EYS: variants seen among roughly 807,000 people sequenced by gnomAD.
The protein encoded by EYS is protein eyes shut homolog.
EYS carries 250 observed loss-of-function variants against 282.1 expected under a neutral mutation model. The ratio of observed to expected loss-of-function variants is 0.89; its 90% CI spans 0.80 to 0.98. The LOEUF is 0.98. EYS is among the 50% of genes least tolerant of loss of function. The pLI is 0.00. For synonymous variants in EYS, 1,355 were observed against 1,282.9 expected (o/e 1.06, Z -1.20); for missense variants, 4,016 against 3,709.0 (o/e 1.08, Z -2.15).
chr6:65,535,692 T>C (rs879035908), intron 2 of EYS, among the ~76,000 whole-genome samples: 1 of 152,144 alleles, frequency 6.6e-6, no homozygotes, highest in Admixed American at 6.6e-5. Flanking sequence ...GAGGATTCTG[T>C]TCCTTACTCA....
At chr6:64,835,347 T>C (rs1358336819) in intron 19 of EYS, among the ~76,000 whole-genome samples, 1 of 151,570 alleles carries the variant, frequency 6.6e-6, no homozygotes, top group Non-Finnish European at 1.5e-5. Flanking sequence ...GCAATAGAGA[T>C]TGTTGTTGAG....
At chr6:65,128,201 A>G (rs1231775832) in intron 12 of EYS, among the ~76,000 whole-genome samples, 1 of 152,028 alleles carries the variant, frequency 6.6e-6, no homozygotes, top group Non-Finnish European at 1.5e-5. Context: ...AAAAATATTC[A>G]AAGTTATATT....
At chr6:65,306,922 A>G (rs1454044449) in intron 11 of EYS, among the ~76,000 whole-genome samples, 1 of 140,888 alleles carries the variant, frequency 7.1e-6, no homozygotes, top group East Asian at 2.1e-4. Context: ...CCAGGGAGTT[A>G]AGTTACTTAC....
At chr6:65,677,363 C>T (rs752013855) in intron 1 of EYS, among the ~76,000 whole-genome samples, 4 of 151,644 alleles carry the variant, frequency 2.6e-5, no homozygotes, top group Non-Finnish European at 4.4e-5. Context: ...TAAATGAATT[C>T]GGAAAATTTC....
In EYS at chr6:64,807,388, C is replaced by T. The variant is rs1288925121; in HGVS notation, c.3443+5990G>A. Among the ~76,000 whole-genome samples the T allele has an allele frequency of 1.3e-5, 2 of 152,086 alleles. 1 individual carries two copies. Among genetic ancestry groups the T allele is most frequent in the Non-Finnish European group, 2.9e-5 (2 of 67,988 alleles). ...ACCTCCTTAGGCCTTTGCCTTGTCA[C>T]CTATATAATAACTAGGACACTAAAG... On this transcript the variant is annotated intron_variant, in intron 22 of 42. Coordinates refer to ENST00000503581, the MANE Select transcript of EYS (RefSeq NM_001142800.2).
intron 31 of EYS, among the ~76,000 whole-genome samples, chr6:64,101,647 C>T (rs1025235004): frequency 6.6e-6 from 1 of 150,796 alleles, no homozygotes; most frequent in East Asian, 1.9e-4. Flanking sequence ...AGTCTAGTTC[C>T]CATTTTTTTT....
At chr6:64,265,095 A>G (rs1301621137) in intron 30 of EYS, among the ~76,000 whole-genome samples, 1 of 151,324 alleles carries the variant, frequency 6.6e-6, no homozygotes, top group East Asian at 1.9e-4. Context: ...AGTTATGTTT[A>G]CCCCCAAAAT....
At chr6:64,039,678 A>T (rs1562168756) in intron 33 of EYS, among the ~76,000 whole-genome samples, 1 of 152,158 alleles carries the variant, frequency 6.6e-6, no homozygotes, top group Admixed American at 6.5e-5. Context: ...GCAAAAAAAA[A>T]TGTTTCCATG....
rs564827465 is a variant in EYS, at chr6:64,931,802, T to C, written c.2381+13991A>G. ...GGAAACTGGAAGCTTGCAAATGTAA[T>C]GTAAACTTACTTATCCCAATTCACA... On this transcript the variant is annotated intron_variant, in intron 15 of 42. Coordinates refer to ENST00000503581, the MANE Select transcript of EYS (RefSeq NM_001142800.2). Among the ~76,000 whole-genome samples, 42 of 152,146 alleles carry C rather than the reference T, an allele frequency of 2.8e-4. 1 individual carries two copies. The highest frequency in any genetic ancestry group is 5.7e-4 in the Non-Finnish European group (39 of 68,030).
chr6:64,199,759 A>G (rs1226049450), intron 31 of EYS, among the ~76,000 whole-genome samples: 1 of 152,166 alleles, frequency 6.6e-6, no homozygotes, highest in East Asian at 1.9e-4. Flanking sequence ...TGAGCAAAGG[A>G]TATATGAATA....
intron 28 of EYS, among the ~76,000 whole-genome samples, chr6:64,404,924 A>G (rs2150438930): frequency 6.6e-6 from 1 of 152,312 alleles, no homozygotes; most frequent in Middle Eastern, 3.4e-3. Context: ...TTGATGGGGA[A>G]AATGGGATTA....
chr6:64,155,136 T>G (rs1774874508), intron 31 of EYS, among the ~76,000 whole-genome samples: 1 of 152,100 alleles, frequency 6.6e-6, no homozygotes, highest in Admixed American at 6.6e-5. Flanking sequence ...AAGGATAAAC[T>G]TAACCTGCTT....
chr6:65,010,667 G>T (rs188565109), intron 13 of EYS, among the ~76,000 whole-genome samples: 211 of 152,296 alleles, frequency 1.4e-3, no homozygotes, highest in African/African-American at 4.9e-3. Context: ...TCCCTTCACT[G>T]CAGGAACTAG....
At chr6:64,321,924 TCA>T (rs1157240057) in intron 29 of EYS, among the ~76,000 whole-genome samples, 6 of 152,144 alleles carry the variant, frequency 3.9e-5, no homozygotes, top group Non-Finnish European at 8.8e-5. Context: ...GATACTTAAA[TCA>T]ATTTTATTTT....
intron 31 of EYS, among the ~76,000 whole-genome samples, chr6:64,098,820 G>A (rs751021226): frequency 6.6e-6 from 1 of 151,920 alleles, no homozygotes; most frequent in Non-Finnish European, 1.5e-5. Flanking sequence ...GGTCAGGCTG[G>A]TCTCGAACTC....
chr6:64,416,022 G>T (rs1221300507), intron 28 of EYS, among the ~76,000 whole-genome samples: 1 of 152,146 alleles, frequency 6.6e-6, no homozygotes, highest in African/African-American at 2.4e-5. Flanking sequence ...CAGCAAAGCT[G>T]CTCGTGTGCT....
intron 12 of EYS, among the ~76,000 whole-genome samples, chr6:65,184,952 C>A (rs1765480942): frequency 6.6e-6 from 1 of 150,556 alleles, no homozygotes; most frequent in African/African-American, 2.4e-5. Flanking sequence ...AGATGCATAG[C>A]TACAATAAAA....
chr6:65,194,217 G>T (rs1009557312), intron 12 of EYS, among the ~76,000 whole-genome samples: 2 of 151,610 alleles, frequency 1.3e-5, no homozygotes, highest in Admixed American at 6.6e-5. Flanking sequence ...TGTTCAATAG[G>T]AGTTTTTAAA....
chr6:65,162,142 G>T (rs1764865108), intron 12 of EYS, among the ~76,000 whole-genome samples: 1 of 151,154 alleles, frequency 6.6e-6, no homozygotes, highest in Non-Finnish European at 1.5e-5. Context: ...TTCTACTTCA[G>T]CCAGTTACCA....
Sources: allele counts gnomAD v4.1 joint callset (sites outside exome capture counted in the v4.1 genomes callset), GRCh38; gene constraint gnomAD v4.1.1; transcripts MANE v1.5; gene names NCBI Gene and HGNC (gene_info 2026-07-23, HGNC 2026-07-21).